The following RBPJ variants were observed in gnomAD, a reference collection of about 807,000 sequenced individuals.
RBPJ encodes the protein recombination signal binding protein for immunoglobulin kappa J region.
A neutral mutation model predicts 67.8 loss-of-function variants in RBPJ; 9 were observed. That is an observed-to-expected ratio of 0.13 (90% CI 0.08 to 0.23). RBPJ has a LOEUF of 0.23. Among genes scored for constraint, RBPJ ranks in the 10% least tolerant of loss-of-function variants. The probability of loss-of-function intolerance (pLI) is 1.00; values close to 1 mark genes in which losing one functional copy is unlikely to be tolerated. For missense variants in RBPJ, 305 were observed against 595.6 expected (o/e 0.51, Z 5.08); for synonymous variants, 198 against 203.3 (o/e 0.97, Z 0.22).
chr4:26,148,171 C>T, the RBPJ span, among the ~76,000 whole-genome samples: 1 of 152,112 alleles, frequency 6.6e-6, no homozygotes, highest in African/African-American at 2.4e-5. Flanking sequence ...CAAGAGAACA[C>T]CTAGATTTTC....
chr4:26,372,248 G>T (rs1455255748), intron 1 of RBPJ, among the ~76,000 whole-genome samples: 1 of 152,222 alleles, frequency 6.6e-6, no homozygotes, highest in Non-Finnish European at 1.5e-5. Context: ...TTAGTGAACT[G>T]CCTGTGGTGG....
rs113787333 is a variant in RBPJ at position 26,290,136 on chromosome 4, C to T, written c.-166-72310C>T. 6.5e-3 allele frequency among the ~76,000 whole-genome samples: 975 copies of T among 149,342 alleles called. 37 individuals carry two copies. The highest frequency in any genetic ancestry group is 0.023 in the African/African-American group (928 of 40,546). The stretch of plus-strand genomic sequence containing the variant: ...CTTGAGGCCAGGAGTTCGAAACCAG[C>T]CTAGGCAAAACAGCGAGACCCCACC... On this transcript the variant is annotated intron_variant, in intron 1 of 4. Transcript: ENST00000512351.
chr4:26,359,072 C>T (rs1727727426), intron 1 of RBPJ, among the ~76,000 whole-genome samples: 1 of 152,158 alleles, frequency 6.6e-6, no homozygotes, highest in Non-Finnish European at 1.5e-5. Context: ...ACTCTTAACA[C>T]CTTTGTCAAG....
At chr4:26,174,586 C>T (rs1164329255) in intron 1 of RBPJ, among the ~76,000 whole-genome samples, 1 of 152,218 alleles carries the variant, frequency 6.6e-6, no homozygotes, top group African/African-American at 2.4e-5. Context: ...TCTCCTGCCT[C>T]AGCCTCCTGA....
At chr4:26,258,831 G>A (rs984348628) in intron 1 of RBPJ, among the ~76,000 whole-genome samples, 1 of 151,446 alleles carries the variant, frequency 6.6e-6, no homozygotes, top group South Asian at 2.1e-4. Context: ...TTGAGACAGA[G>A]TCTTGCTCTG....
chr4:26,308,224 C>G (rs1400399080), intron 1 of RBPJ, among the ~76,000 whole-genome samples: 1 of 151,736 alleles, frequency 6.6e-6, no homozygotes, highest in Non-Finnish European at 1.5e-5. Flanking sequence ...TGCAGTGAGC[C>G]GAGATCGGGC....
At chr4:26,203,228 G>A (rs1034629757) in intron 1 of RBPJ, among the ~76,000 whole-genome samples, 4 of 152,254 alleles carry the variant, frequency 2.6e-5, no homozygotes, top group African/African-American at 9.6e-5. Context: ...TTACCTAATA[G>A]TTTTTCATTA....
the RBPJ span, among the ~76,000 whole-genome samples, chr4:26,117,707 C>T: frequency 6.6e-6 from 1 of 152,240 alleles, no homozygotes; most frequent in East Asian, 1.9e-4. Flanking sequence ...TGTACGTTTA[C>T]TCATCCTGAA....
intron 1 of RBPJ, among the ~76,000 whole-genome samples, chr4:26,313,300 G>C (rs1722497492): frequency 6.6e-6 from 1 of 152,122 alleles, no homozygotes; most frequent in Non-Finnish European, 1.5e-5. Flanking sequence ...GGGAGGCCGA[G>C]GTGGGCGGAT....
intron 7 of RBPJ, among the ~76,000 whole-genome samples, chr4:26,425,619 G>A (rs574808843): frequency 2.4e-4 from 37 of 152,260 alleles, no homozygotes; most frequent in African/African-American, 8.9e-4. Context: ...AACAACCACA[G>A]AAAAGGAGAT....
intron 1 of RBPJ, among the ~76,000 whole-genome samples, chr4:26,250,581 C>T (rs1360773394): frequency 6.6e-6 from 1 of 152,198 alleles, no homozygotes; most frequent in Non-Finnish European, 1.5e-5. Flanking sequence ...GATCCACCCA[C>T]CTTGGCTTCC....
At chr4:26,269,498 G>A (rs561098134) in intron 1 of RBPJ, among the ~76,000 whole-genome samples, 20 of 151,998 alleles carry the variant, frequency 1.3e-4, no homozygotes, top group African/African-American at 3.9e-4. Context: ...TCAAATGATC[G>A]GCCAGCCTCG....
intron 1 of RBPJ, among the ~76,000 whole-genome samples, chr4:26,303,290 T>G (rs916053325): frequency 6.8e-6 from 1 of 147,254 alleles, no homozygotes; most frequent in Non-Finnish European, 1.5e-5. Context: ...TATATATATA[T>G]ATATAATCTT....
chr4:26,371,917 T>G (rs890902056), intron 1 of RBPJ, among the ~76,000 whole-genome samples: 5 of 152,216 alleles, frequency 3.3e-5, no homozygotes, highest in Non-Finnish European at 7.3e-5. Context: ...CTTATTTGTT[T>G]TATATGTGGG....
chr4:26,244,357 A>ACACATATG (rs1560226348), intron 1 of RBPJ, among the ~76,000 whole-genome samples: 1 of 133,054 alleles, frequency 7.5e-6, no homozygotes, highest in African/African-American at 2.8e-5. Flanking sequence ...GTGTATATAT[A>ACACATATG]TGTATGCACA....
intron 4 of RBPJ, among the ~76,000 whole-genome samples, chr4:26,416,739 GTA>G (rs1413975472): frequency 7.2e-5 from 11 of 152,166 alleles, no homozygotes; most frequent in African/African-American, 2.7e-4. Context: ...TTGGCACTAG[GTA>G]TATGGGTTGG....
intron 1 of RBPJ, among the ~76,000 whole-genome samples, chr4:26,311,593 C>T (rs189087330): frequency 4.6e-5 from 7 of 152,050 alleles, no homozygotes; most frequent in African/African-American, 7.2e-5. Flanking sequence ...CTGTAATGTC[C>T]GCCTCTCATG....
At chr4:26,301,966 G>A (rs1201625758) in intron 1 of RBPJ, among the ~76,000 whole-genome samples, 1 of 151,932 alleles carries the variant, frequency 6.6e-6, no homozygotes, top group Non-Finnish European at 1.5e-5. Context: ...CTATTTTTTT[G>A]TATTTTAGTA....
intron 1 of RBPJ, among the ~76,000 whole-genome samples, chr4:26,251,938 C>T (rs1366829848): frequency 1.3e-5 from 2 of 151,218 alleles, no homozygotes; most frequent in East Asian, 3.9e-4. Flanking sequence ...CACAACGGGG[C>T]TATCGACTGA....
Sources: gnomAD v4.1 joint callset for allele counts (sites outside exome capture counted in the v4.1 genomes callset) on GRCh38, gnomAD v4.1.1 for gene constraint, MANE v1.5 for transcripts, NCBI Gene and HGNC (gene_info 2026-07-23, HGNC 2026-07-21) for gene names.